CPA4: variants seen among roughly 807,000 people sequenced by gnomAD.
CPA4 encodes the protein carboxypeptidase A4.
In CPA4, 49 loss-of-function variants were observed where a neutral mutation model predicts 54.7. The observed-to-expected ratio is 0.90, with a 90% CI of 0.71 to 1.14. The LOEUF (loss-of-function observed/expected upper bound fraction) is 1.14, where lower values mean the gene tolerates loss of function less well. Ranked by LOEUF, CPA4 falls within the 50% of genes most tolerant of loss-of-function variation. The pLI is 0.00. For missense variants in CPA4, 487 were observed against 525.1 expected, an observed-to-expected ratio of 0.93 and a Z score of 0.71; for synonymous variants, 215 against 206.8, an observed-to-expected ratio of 1.04 and a Z score of -0.34.
intron 10 of CPA4, among the ~76,000 whole-genome samples, chr7:130,319,440 G>A (rs1458385649): frequency 6.6e-6 from 1 of 152,200 alleles, no homozygotes; most frequent in African/African-American, 2.4e-5. Flanking sequence ...GACATGTACA[G>A]GGGCCAAGGG....
At position 130,311,942 on chromosome 7, in the gene CPA4, G is replaced by T. The variant is rs1793921910; in HGVS notation, c.994-96G>T. ...GGGACCAGAAAGGAAATCGGGGGGGGCTGAGAATCTTCCAAACCATCCCAG... is the reference window on the plus strand; with the variant it reads ...GGGACCAGAAAGGAAATCGGGGGGGTCTGAGAATCTTCCAAACCATCCCAG... On this transcript the variant is annotated intron_variant, in intron 9 of 10. Coordinates refer to ENST00000222482, the MANE Select transcript of CPA4 (RefSeq NM_016352.4). 8 of 889,046 alleles carry T rather than the reference G, an allele frequency of 9.0e-6. 1 individual carries two copies. The South Asian group carries it at 1.1e-4, about 13-fold the overall frequency. 55.1% of individuals were successfully genotyped at this position (889,046 alleles called of 1,614,324 possible).
At chr7:130,316,851 T>C (rs535488835) in intron 10 of CPA4, among the ~76,000 whole-genome samples, 1 of 146,676 alleles carries the variant, frequency 6.8e-6, no homozygotes, top group East Asian at 2.0e-4. Flanking sequence ...GAGAATCACT[T>C]GAACCTGGGA....
In CPA4 at chr7:130,304,760, G is replaced by A. The variant is rs930933302; in HGVS notation, c.486+181G>A. 5.4e-5 allele frequency: 33 copies of A among 608,672 alleles called. No homozygotes were observed. In the African/African-American group the frequency reaches 5.9e-4, roughly 11 times the overall value. 37.7% of individuals were successfully genotyped at this position (608,672 alleles called of 1,614,324 possible). Reference sequence around the variant, plus strand: ...GCCCCTTGCTTTTGTCTAATGTAGGGGGAGTTAGAAGGAGCACATCCCATT... The same window carrying A: ...GCCCCTTGCTTTTGTCTAATGTAGGAGGAGTTAGAAGGAGCACATCCCATT... On this transcript the variant is annotated intron_variant, in intron 5 of 10. Transcript: ENST00000222482.
At chr7:130,295,373 T>C (rs1187099094) in intron 1 of CPA4, among the ~76,000 whole-genome samples, 3 of 152,168 alleles carry the variant, frequency 2.0e-5, no homozygotes, top group East Asian at 3.9e-4. Flanking sequence ...ACGCCCTGTC[T>C]ATTGGAGAGG....
At chr7:130,296,712 G>T (rs1318941053) in intron 1 of CPA4, among the ~76,000 whole-genome samples, 13 of 91,632 alleles carry the variant, frequency 1.4e-4, no homozygotes. Flanking sequence ...TTTGAGACAG[G>T]GTCTTGTTCT....
At chr7:130,297,731 C>T (rs1264815148) in intron 1 of CPA4, among the ~76,000 whole-genome samples, 2 of 152,212 alleles carry the variant, frequency 1.3e-5, no homozygotes, top group African/African-American at 4.8e-5. Context: ...GGTCCTTGAG[C>T]CCACAGCGGC....
chr7:130,322,386 C>A lies in CPA4; in HGVS notation c.1079-103C>A, dbSNP rs56342876. The A allele has an allele frequency of 4.4e-6, 4 of 907,114 alleles. No individual in the cohort carries two copies. The South Asian group carries it at 4.8e-5, about 11-fold the overall frequency. 56.2% of individuals were successfully genotyped at this position (907,114 alleles called of 1,614,324 possible). On this transcript the variant is annotated intron_variant, in intron 10 of 10. Transcript: ENST00000222482. Reference sequence around the variant, plus strand: ...GGACTGATGACTTGAGGAGCAAACTCTGGATTCCTTAAGGAACCCCAGGCA... The same window carrying A: ...GGACTGATGACTTGAGGAGCAAACTATGGATTCCTTAAGGAACCCCAGGCA...
intron 10 of CPA4, among the ~76,000 whole-genome samples, chr7:130,315,038 A>T (rs1793968655): frequency 6.6e-6 from 1 of 151,194 alleles, no homozygotes; most frequent in South Asian, 2.1e-4. Context: ...CCAGCTGGGG[A>T]GTCCTTGGAG....
rs746090819 is a variant in CPA4 at position 130,310,998 on chromosome 7, C to G, written c.993+12C>G. The G allele has an allele frequency of 1.2e-6, 2 of 1,611,492 alleles. No homozygotes were observed. Among genetic ancestry groups the G allele is most frequent in the Non-Finnish European group, 1.7e-6 (2 of 1,178,608 alleles). On this transcript the variant is annotated intron_variant, in intron 9 of 10. Transcript: ENST00000222482. This position sits in a 1 kb window ranked among gnomAD's most constrained non-coding sequence, Gnocchi z 4.3. ...ATGCCGAGGAACTCGTGAGTCACAG[C>G]TGCCTCCCACCCAGCCTGGGGCCCG... is the stretch of plus-strand genomic sequence containing the variant.
chr7:130,310,774 C>T lies in CPA4; in HGVS notation c.794-13C>T, dbSNP rs755745827. 46 of 1,612,194 alleles carry T rather than the reference C, an allele frequency of 2.9e-5. No individual in the cohort carries two copies. The highest frequency in any genetic ancestry group is 3.3e-4 in the Middle Eastern group (2 of 6,082). On this transcript the variant is annotated splice_polypyrimidine_tract_variant and intron_variant, in intron 8 of 10. Transcript: ENST00000222482. This position sits in a 1 kb window ranked among gnomAD's most constrained non-coding sequence, Gnocchi z 4.3. ...CTATGAGTTAATGTTTGTTCTTGGG[C>T]TATCCCCAACAGGAAAGGGAGCCAG... is the stretch of plus-strand genomic sequence containing the variant.
chr7:130,306,753 T>C lies in CPA4; in HGVS notation c.592-34T>C, dbSNP rs199543086. On this transcript the variant is annotated intron_variant, in intron 6 of 10. Transcript: ENST00000222482. Reference sequence around the variant, plus strand: ...TCAGCCCTAATGGCCCATCCTGCCATGGGATAGCTGACAAGCATATTGTCT... The same window carrying C: ...TCAGCCCTAATGGCCCATCCTGCCACGGGATAGCTGACAAGCATATTGTCT... 8 of 1,289,142 alleles carry C rather than the reference T, an allele frequency of 6.2e-6. No homozygotes were observed. The East Asian group carries it at 9.2e-5, about 15-fold the overall frequency. The allele number at this position is 1,289,142 out of a possible 1,614,324, so 79.9% of individuals were successfully genotyped here. A position where few individuals can be genotyped will look rare whatever the true frequency, so the allele number is the denominator to read the frequency against.
At chr7:130,319,480 A>G (rs1279384376) in intron 10 of CPA4, among the ~76,000 whole-genome samples, 1 of 152,246 alleles carries the variant, frequency 6.6e-6, no homozygotes, top group East Asian at 1.9e-4. Context: ...CTGAAGGTTC[A>G]TTGAAAAATC....
At chr7:130,301,597 C>T (rs781455186) in intron 4 of CPA4, among the ~76,000 whole-genome samples, 3 of 152,144 alleles carry the variant, frequency 2.0e-5, no homozygotes, top group African/African-American at 7.2e-5. Context: ...ATCACTCCCC[C>T]ACATCTAAAT....
chr7:130,311,169 C>G (rs1159471762), intron 9 of CPA4, among the ~76,000 whole-genome samples, 183 bp downstream of exon 9: 2 of 152,134 alleles, frequency 1.3e-5, no homozygotes, highest in Non-Finnish European at 2.9e-5. Flanking sequence ...GAAAACAGTG[C>G]CCTTTATTTC....
At chr7:130,295,001 C>G (rs1264773447) in intron 1 of CPA4, among the ~76,000 whole-genome samples, 1 of 152,188 alleles carries the variant, frequency 6.6e-6, no homozygotes, top group Non-Finnish European at 1.5e-5. Flanking sequence ...CTCTCTTGCT[C>G]TACTGGAGTC....
intron 3 of CPA4, among the ~76,000 whole-genome samples, chr7:130,299,957 C>G (rs1333147810): frequency 6.6e-6 from 1 of 152,328 alleles, no homozygotes; most frequent in East Asian, 1.9e-4. Flanking sequence ...AGAGGGAATG[C>G]CGTCCTCTGG....
intron 7 of CPA4, among the ~76,000 whole-genome samples, chr7:130,307,940 G>A (rs1227802258): frequency 6.6e-6 from 1 of 152,146 alleles, no homozygotes; most frequent in East Asian, 1.9e-4. Context: ...GAATTTTTTA[G>A]GCAAGCAAGA....
At chr7:130,316,045 G>C (rs939868300) in intron 10 of CPA4, among the ~76,000 whole-genome samples, 7 of 152,124 alleles carry the variant, frequency 4.6e-5, no homozygotes, top group African/African-American at 7.2e-5. Context: ...ATAACTAGTT[G>C]CTATATTTGG....
intron 10 of CPA4, among the ~76,000 whole-genome samples, chr7:130,315,472 A>G (rs1387658618): frequency 6.6e-6 from 1 of 152,012 alleles, no homozygotes; most frequent in South Asian, 2.1e-4. Context: ...TTTCCTGAAG[A>G]TTGAGGGTGA....
Sources: gnomAD v4.1 joint callset for allele counts (sites outside exome capture counted in the v4.1 genomes callset) on GRCh38, gnomAD v4.1.1 for gene constraint, Gnocchi (gnomAD v3.1) non-coding constraint, MANE v1.5 for transcripts, NCBI Gene and HGNC (gene_info 2026-07-23, HGNC 2026-07-21) for gene names.